ANKRD29: variants seen among roughly 807,000 people sequenced by gnomAD.
ANKRD29 encodes the protein ankyrin repeat domain-containing protein 29.
In ANKRD29, 32 loss-of-function variants were observed where a neutral mutation model predicts 38.0. The observed-to-expected ratio is 0.84, with a 90% CI of 0.64 to 1.13. The LOEUF (loss-of-function observed/expected upper bound fraction) is 1.13. Ranked by LOEUF, ANKRD29 falls within the 50% of genes most tolerant of loss-of-function variation. ANKRD29 has a pLI of 0.00. For missense variants in ANKRD29, 357 were observed against 377.9 expected (o/e 0.94, Z 0.46); for synonymous variants, 135 against 152.4 (o/e 0.89, Z 0.84).
intron 1 of ANKRD29, among the ~76,000 whole-genome samples, chr18:23,658,425 A>G (rs1490882903): frequency 1.3e-5 from 2 of 152,180 alleles, no homozygotes; most frequent in African/African-American, 4.8e-5. Context: ...AAACAAAAAC[A>G]AAAAACTTGT....
intron 9 of ANKRD29, 80 bp downstream of exon 9, chr18:23,612,012 C>A: frequency 1.6e-6 from 2 of 1,286,428 alleles, no homozygotes; most frequent in Non-Finnish European, 2.2e-6. Flanking sequence ...GTGACTGGAG[C>A]CAGGGAGATG....
At chr18:23,654,486 G>C (rs749815537) in intron 1 of ANKRD29, among the ~76,000 whole-genome samples, 1 of 150,628 alleles carries the variant, frequency 6.6e-6, no homozygotes, top group Non-Finnish European at 1.5e-5. Flanking sequence ...TGGGTGTGAC[G>C]GTCCACACGT....
chr18:23,613,800 G>A (rs891487778), intron 8 of ANKRD29, among the ~76,000 whole-genome samples: 5 of 151,842 alleles, frequency 3.3e-5, no homozygotes, highest in Admixed American at 1.3e-4. Context: ...GGGTTTCACC[G>A]TGTTAGCCAG....
At chr18:23,658,186 G>A (rs1340223432) in intron 1 of ANKRD29, among the ~76,000 whole-genome samples, 2 of 152,160 alleles carry the variant, frequency 1.3e-5, no homozygotes, top group Non-Finnish European at 2.9e-5. Context: ...CAGGAGGATT[G>A]CTTGAGTCCA....
Position 23,649,177 on chromosome 18 carries a change from G to A in ANKRD29, c.38C>T (p.Ala13Val). The change falls in exon 2 of 10, where the codon GCC becomes GTC. Residue 13 changes from alanine to valine, a missense_variant. Ala to Val is a moderately conservative substitution (Grantham distance 64). Coordinates refer to ENST00000592179, the MANE Select transcript of ANKRD29 (RefSeq NM_173505.4). ...RMSFKKETPL[A>V]NAAFWAARRG... ...CCTGGCTGCCCAGAATGCAGCATTG[G>A]CAAGTGGAGTTTCCTTCTGCAAGAA... The A allele has an allele frequency of 6.2e-7, 1 of 1,613,272 alleles. No homozygotes were observed. Among genetic ancestry groups the A allele is most frequent in the Non-Finnish European group, 8.5e-7 (1 of 1,179,696 alleles).
rs1030843321 is a variant in ANKRD29 at position 23,612,259 on chromosome 18, A to G, written c.724-69T>C. On this transcript the variant is annotated intron_variant, in intron 8 of 9. Transcript: ENST00000592179. ...ATTGGCATTCAGCATGGCTTTCATC[A>G]TAAACCATCTGGGTGATAAGACTGT... The G allele has an allele frequency of 1.5e-5, 20 of 1,375,694 alleles. No individual in the cohort carries two copies. The African/African-American group carries it at 2.1e-4, about 15-fold the overall frequency. 85.2% of individuals were successfully genotyped at this position (1,375,694 alleles called of 1,614,324 possible). A position where few individuals can be genotyped will look rare whatever the true frequency, so the allele number is the denominator to read the frequency against.
At chr18:23,601,433 C>T (rs2059511011) in intron 9 of ANKRD29, 124 bp from the exon 10 acceptor site, 1 of 674,084 alleles carries the variant, frequency 1.5e-6, no homozygotes, top group Admixed American at 2.7e-5. Flanking sequence ...ACTGGACTCA[C>T]TCTTTTATAT....
chr18:23,638,759 CAT>C (rs2060034931), intron 4 of ANKRD29, 88 bp downstream of exon 4: 3 of 1,049,638 alleles, frequency 2.9e-6, no homozygotes, highest in Non-Finnish European at 4.1e-6. Flanking sequence ...AAAAGGGAAA[CAT>C]AAATTCGTAC....
intron 6 of ANKRD29, among the ~76,000 whole-genome samples, chr18:23,625,142 G>A (rs576841932): frequency 5.9e-5 from 9 of 152,282 alleles, no homozygotes; most frequent in Non-Finnish European, 1.0e-4. Flanking sequence ...AATCCTGCCC[G>A]TGGCAGAGGG....
At chr18:23,607,146 A>G (rs2059584451) in intron 9 of ANKRD29, among the ~76,000 whole-genome samples, 1 of 152,184 alleles carries the variant, frequency 6.6e-6, no homozygotes, top group Non-Finnish European at 1.5e-5. Context: ...TCTGCTGTGC[A>G]GCATGTCCTG....
rs113351717 is a variant in ANKRD29, at chr18:23,644,992, G to A, written c.231+1197C>T. Among the ~76,000 whole-genome samples the A allele has an allele frequency of 5.5e-3, 838 of 152,268 alleles. 10 individuals carry two copies. The highest frequency in any genetic ancestry group is 0.019 in the African/African-American group (803 of 41,542). On this transcript the variant is annotated intron_variant, in intron 3 of 9. Transcript: ENST00000592179. Reference sequence around the variant, plus strand: ...TTAATTTGCTCCACTCAGAGGTGACGGTCCAGGCTGGAAGAATGAGATATA... The same window carrying A: ...TTAATTTGCTCCACTCAGAGGTGACAGTCCAGGCTGGAAGAATGAGATATA...
rs533178065 is a variant in ANKRD29, at chr18:23,634,135, G to A, written c.345C>T (p.Ala115=). The A allele has an allele frequency of 3.7e-6, 6 of 1,614,162 alleles. No homozygotes were observed. The African/African-American group carries it at 6.7e-5, about 18-fold the overall frequency. The change falls in exon 5 of 10, where the codon GCC becomes GCT. Residue 115 remains alanine, a synonymous_variant. Transcript: ENST00000592179. The part of the protein sequence containing the change: ...TEFRTKDGGT[A]LLAASQYGHM... The stretch of plus-strand genomic sequence containing the variant: ...GCCCGTACTGACTGGCAGCCAACAG[G>A]GCGGTGCCCCCGTCCTATGGACATG...
intron 9 of ANKRD29, chr18:23,609,398 A>C (rs187056395): frequency 1.5e-4 from 23 of 152,250 alleles, no homozygotes; most frequent in Admixed American, 1.5e-3. Flanking sequence ...CCGCCAAATT[A>C]TCTTTAAAAA....
At position 23,619,553 on chromosome 18, in the gene ANKRD29, G is replaced by C. The variant is rs1306701186; in HGVS notation, c.605C>G (p.Ala202Gly). The change falls in exon 7 of 10, where the codon GCC becomes GGC. Residue 202 changes from alanine (A) to glycine (G), a missense_variant. Coordinates refer to ENST00000592179, the MANE Select transcript of ANKRD29 (RefSeq NM_173505.4). ...CACGTTCCGCGCAGCGTCGCGGTCG[G>C]CTCCGCGCAGCAGCATCACCCGCAC... ...EVVRVMLLRG[A>G]DRDAARNDGT... The C allele has an allele frequency of 6.3e-7, 1 of 1,596,058 alleles. No homozygotes were observed. The highest frequency in any genetic ancestry group is 8.5e-7 in the Non-Finnish European group (1 of 1,178,460).
At chr18:23,628,320 C>T (rs1192739348) in intron 6 of ANKRD29, among the ~76,000 whole-genome samples, 1 of 152,160 alleles carries the variant, frequency 6.6e-6, no homozygotes, top group Non-Finnish European at 1.5e-5. Flanking sequence ...TTCTCAGGCT[C>T]CTTATGTGCT....
At chr18:23,610,234 T>C (rs535235135) in intron 9 of ANKRD29, among the ~76,000 whole-genome samples, 19 of 152,296 alleles carry the variant, frequency 1.2e-4, no homozygotes, top group African/African-American at 4.3e-4. Flanking sequence ...TCCCAGCACT[T>C]TGGGAGGCCG....
At chr18:23,609,568 G>A (rs756272141) in intron 9 of ANKRD29, among the ~76,000 whole-genome samples, 7 of 152,276 alleles carry the variant, frequency 4.6e-5, no homozygotes, top group South Asian at 4.1e-4. Context: ...CCCATTGGGC[G>A]GTTACACTTG....
intron 4 of ANKRD29, among the ~76,000 whole-genome samples, chr18:23,634,654 G>A (rs983649077): frequency 1.3e-5 from 2 of 152,042 alleles, no homozygotes; most frequent in African/African-American, 4.8e-5. Context: ...TCCTAAGGAC[G>A]TGATTATGTT....
At chr18:23,605,856 G>C (rs2059569273) in intron 9 of ANKRD29, among the ~76,000 whole-genome samples, 1 of 151,984 alleles carries the variant, frequency 6.6e-6, no homozygotes, top group South Asian at 2.1e-4. Context: ...AAGATGTATA[G>C]GAAGAGCCAA....
Sources: gnomAD v4.1 joint callset for allele counts (sites outside exome capture counted in the v4.1 genomes callset) on GRCh38, gnomAD v4.1.1 for gene constraint, MANE v1.5 for transcripts, NCBI Gene and HGNC (gene_info 2026-07-23, HGNC 2026-07-21) for gene names.